The following CAMK4 variants were observed in gnomAD, a reference collection of about 807,000 sequenced individuals.
CAMK4 encodes the protein calcium/calmodulin dependent protein kinase IV.
Under a neutral mutation model 44.9 loss-of-function variants are expected in CAMK4, and 22 were observed. The ratio of observed to expected loss-of-function variants is 0.49; its 90% CI spans 0.35 to 0.70. CAMK4 has a LOEUF of 0.70. Ranked by LOEUF, CAMK4 falls within the 30% of genes least tolerant of loss-of-function variation. The probability of loss-of-function intolerance (pLI) is 0.01; values close to 1 mark genes in which losing one functional copy is unlikely to be tolerated. For synonymous variants in CAMK4, 218 were observed against 215.4 expected, an observed-to-expected ratio of 1.01 and a Z score of -0.11; for missense variants, 498 against 586.8, an observed-to-expected ratio of 0.85 and a Z score of 1.56.
intron 5 of CAMK4, among the ~76,000 whole-genome samples, chr5:111,434,291 CA>C (rs34360413): frequency 0.17 from 22,607 of 131,712 alleles, 1,787 homozygotes; most frequent in African/African-American, 0.27. Flanking sequence ...GACTCTGTCT[CA>C]AAAAAAAAAA....
intron 7 of CAMK4, among the ~76,000 whole-genome samples, chr5:111,452,645 T>A (rs1754277075): frequency 6.6e-6 from 1 of 152,216 alleles, no homozygotes; most frequent in Non-Finnish European, 1.5e-5. Flanking sequence ...GTAAAAATAC[T>A]GTTTTAATAT....
chr5:111,294,404 T>C (rs929345512), intron 1 of CAMK4, among the ~76,000 whole-genome samples: 1 of 152,224 alleles, frequency 6.6e-6, no homozygotes, highest in South Asian at 2.1e-4. Flanking sequence ...ACTTTAAAAA[T>C]AGCTGCATTA....
rs73218010 is a variant in CAMK4, at chr5:111,436,310, T to C, written c.460-10376T>C. Among the ~76,000 whole-genome samples, 241 of 152,278 alleles carry C rather than the reference T, an allele frequency of 1.6e-3. 1 individual carries two copies. Among genetic ancestry groups the C allele is most frequent in the African/African-American group, 5.6e-3 (231 of 41,544 alleles). On this transcript the variant is annotated intron_variant, in intron 5 of 10. Coordinates refer to ENST00000282356, the MANE Select transcript of CAMK4 (RefSeq NM_001744.6). ...AAATAAATTTCTAATCCAATGAAAATATCCATGTTTCTCCACTCTGACTTA... is the reference window on the plus strand; with the variant it reads ...AAATAAATTTCTAATCCAATGAAAACATCCATGTTTCTCCACTCTGACTTA...
At position 111,478,576 on chromosome 5, in the gene CAMK4, C is replaced by A. The variant is rs1471524247; in HGVS notation, c.828+69C>A. 3 of 776,830 alleles carry A rather than the reference C, an allele frequency of 3.9e-6. No individual in the cohort carries two copies. The highest frequency in any genetic ancestry group is 5.6e-6 in the Non-Finnish European group (3 of 531,152). 48.1% of individuals were successfully genotyped at this position (776,830 alleles called of 1,614,324 possible). ...ATTTTTAACTAATTAATGGGAAGTA[C>A]AATTTTTTAAAATTTTACCCATATT... On this transcript the variant is annotated intron_variant, in intron 9 of 10. Transcript: ENST00000282356.
intron 1 of CAMK4, among the ~76,000 whole-genome samples, chr5:111,245,143 A>G (rs760050640): frequency 6.6e-6 from 1 of 152,126 alleles, no homozygotes; most frequent in Non-Finnish European, 1.5e-5. Context: ...TTACTTTTTT[A>G]CAGTTGGGGA....
chr5:111,249,222 T>A (rs895382382), intron 1 of CAMK4, among the ~76,000 whole-genome samples: 1 of 152,160 alleles, frequency 6.6e-6, no homozygotes, highest in Admixed American at 6.6e-5. Flanking sequence ...TAAAGCCTTC[T>A]CTTCATCAAA....
rs749069632 is a variant in CAMK4, at chr5:111,425,013, A to C, written c.460-21673A>C. On this transcript the variant is annotated intron_variant, in intron 5 of 10. Coordinates refer to ENST00000282356, the MANE Select transcript of CAMK4 (RefSeq NM_001744.6). ...ACCCTATCTCTACTGAAAATACAAA[A>C]ATTAGCTGGGCATGGTGGCATGCAC... 1.4e-3 allele frequency among the ~76,000 whole-genome samples: 210 copies of C among 151,976 alleles called. 1 individual carries two copies. Among genetic ancestry groups the C allele is most frequent in the Non-Finnish European group, 4.4e-4 (30 of 67,956 alleles).
chr5:111,342,967 T>C (rs903161777), intron 1 of CAMK4, among the ~76,000 whole-genome samples: 2 of 151,692 alleles, frequency 1.3e-5, no homozygotes, highest in South Asian at 4.1e-4. Context: ...TTAATTTTTT[T>C]AAATTTTAAT....
chr5:111,452,118 A>G (rs906942573), intron 7 of CAMK4, among the ~76,000 whole-genome samples: 6 of 152,234 alleles, frequency 3.9e-5, no homozygotes, highest in African/African-American at 1.4e-4. Context: ...TAAGAGTTCA[A>G]CAAGTGAAGA....
At chr5:111,338,309 G>C (rs977097821) in intron 1 of CAMK4, among the ~76,000 whole-genome samples, 2 of 150,960 alleles carry the variant, frequency 1.3e-5, no homozygotes, top group Non-Finnish European at 3.0e-5. Context: ...ATTATTAAGA[G>C]CTCTTGCATT....
intron 1 of CAMK4, among the ~76,000 whole-genome samples, chr5:111,320,535 T>A (rs1178309139): frequency 6.6e-6 from 1 of 152,118 alleles, no homozygotes; most frequent in Non-Finnish European, 1.5e-5. Flanking sequence ...TGAGATGGAG[T>A]TTCGCTCGTT....
At chr5:111,452,720 C>A (rs992260263) in intron 7 of CAMK4, among the ~76,000 whole-genome samples, 1 of 152,108 alleles carries the variant, frequency 6.6e-6, no homozygotes, top group African/African-American at 2.4e-5. Flanking sequence ...GGCTTATTTT[C>A]TATTATTATT....
chr5:111,351,854 G>T (rs919697776), intron 2 of CAMK4, among the ~76,000 whole-genome samples: 1 of 152,068 alleles, frequency 6.6e-6, no homozygotes, highest in African/African-American at 2.4e-5. Context: ...TGGCTTATAC[G>T]ATAGAAATTT....
chr5:111,452,065 A>G (rs1239178486), intron 7 of CAMK4, among the ~76,000 whole-genome samples: 1 of 152,246 alleles, frequency 6.6e-6, no homozygotes, highest in Admixed American at 6.5e-5. Context: ...TTCTGGATGG[A>G]GAGTTCTTAG....
intron 4 of CAMK4, among the ~76,000 whole-genome samples, chr5:111,385,269 AAC>A (rs1751557426): frequency 6.6e-6 from 1 of 152,120 alleles, no homozygotes; most frequent in Non-Finnish European, 1.5e-5. Context: ...TTAGGGCATA[AAC>A]ACAGTGTGTA....
chr5:111,273,712 TATATATAC>T (rs1177418753), intron 1 of CAMK4, among the ~76,000 whole-genome samples: 23 of 54,808 alleles, frequency 4.2e-4, no homozygotes, highest in East Asian at 9.8e-4. Flanking sequence ...TATATATATA[TATATATAC>T]ACACACATAC....
chr5:111,391,156 T>C (rs1289525519), intron 4 of CAMK4, among the ~76,000 whole-genome samples: 1 of 152,120 alleles, frequency 6.6e-6, no homozygotes, highest in Non-Finnish European at 1.5e-5. Context: ...GTTCTACACT[T>C]AGGAAAAACT....
At chr5:111,329,138 T>A (rs432970) in intron 1 of CAMK4, among the ~76,000 whole-genome samples, 1 of 151,874 alleles carries the variant, frequency 6.6e-6, no homozygotes, top group African/African-American at 2.4e-5. Flanking sequence ...ACATGATTAT[T>A]TCAGTAGATG....
intron 2 of CAMK4, among the ~76,000 whole-genome samples, chr5:111,369,042 A>AATAATAATAAT (rs1391226030): frequency 6.7e-6 from 1 of 149,478 alleles, no homozygotes; most frequent in East Asian, 2.0e-4. Flanking sequence ...CTACTCACAA[A>AATAATAATAAT]ATAATAATAA....
Sources: allele counts gnomAD v4.1 joint callset (sites outside exome capture counted in the v4.1 genomes callset), GRCh38; gene constraint gnomAD v4.1.1; transcripts MANE v1.5; gene names NCBI Gene and HGNC (gene_info 2026-07-23, HGNC 2026-07-21).